SLC28A3: variants seen among roughly 807,000 people sequenced by gnomAD.
The protein encoded by SLC28A3 is concentrative Na(+)-nucleoside cotransporter 3.
In SLC28A3, 68 loss-of-function variants were observed where a neutral mutation model predicts 84.2. The ratio of observed to expected loss-of-function variants is 0.81; its 90% CI spans 0.66 to 0.99. SLC28A3 has a LOEUF of 0.99. Ranked by LOEUF, SLC28A3 falls within the 50% of genes least tolerant of loss-of-function variation. The pLI, the probability that SLC28A3 is intolerant of heterozygous loss-of-function variation, is 0.00. For synonymous variants in SLC28A3, 267 were observed against 303.6 expected, an observed-to-expected ratio of 0.88 and a Z score of 1.25; for missense variants, 712 against 841.5, an observed-to-expected ratio of 0.85 and a Z score of 1.90.
At chr9:84,308,911 T>C (rs1825888778) in intron 3 of SLC28A3, among the ~76,000 whole-genome samples, 1 of 152,248 alleles carries the variant, frequency 6.6e-6, no homozygotes, top group African/African-American at 2.4e-5. Context: ...TTGAGGCTAT[T>C]ACAAGGTAAG....
intron 8 of SLC28A3, among the ~76,000 whole-genome samples, 182 bp downstream of exon 8, chr9:84,297,039 C>T (rs182262561): frequency 9.2e-5 from 14 of 152,276 alleles, no homozygotes; most frequent in Admixed American, 7.2e-4. Context: ...AGGTAAAATG[C>T]GTGCAGTCCA....
rs1227400352 is a variant in SLC28A3 at position 84,292,699 on chromosome 9, A to G, written c.992T>C (p.Val331Ala). The G allele has an allele frequency of 4.3e-6, 7 of 1,610,030 alleles. No individual in the cohort carries two copies. In the African/African-American group the frequency reaches 8.0e-5, roughly 18 times the overall value. Residue 331 changes from valine to alanine, a missense_variant, in exon 10 of 18, where the codon GTA becomes GCA. Val to Ala is a moderately conservative substitution (Grantham distance 64). Coordinates refer to ENST00000376238, the MANE Select transcript of SLC28A3 (RefSeq NM_001199633.2). ...AACAAATATATTGCCAGAAGCAACT[A>G]CAGATTCAATAGGAGATGATCCCGT... ...VTTGSSPIES[V>A]VASGNIFVGQ...
chr9:84,300,177 A>AT (rs1007885542), intron 5 of SLC28A3, among the ~76,000 whole-genome samples: 1 of 152,206 alleles, frequency 6.6e-6, no homozygotes, highest in African/African-American at 2.4e-5. Context: ...ACTGCAACAG[A>AT]TTTTTTTGAT....
chr9:84,334,698 C>T lies in SLC28A3; in HGVS notation c.60+5876G>A, dbSNP rs1005321647. Reference sequence around the variant, plus strand: ...GCCTGCCCTAGGTCTTCCCCTTCCCCGCCCCTCCCTAGCACCACCACTGCA... The same window carrying T: ...GCCTGCCCTAGGTCTTCCCCTTCCCTGCCCCTCCCTAGCACCACCACTGCA... On this transcript the variant is annotated intron_variant, in intron 1 of 17. Transcript: ENST00000376238. Among the ~76,000 whole-genome samples, 138 of 151,944 alleles carry T rather than the reference C, an allele frequency of 9.1e-4. 1 individual carries two copies. Among genetic ancestry groups the T allele is most frequent in the Admixed American group, 3.9e-4 (6 of 15,228 alleles).
At chr9:84,311,820 C>T (rs1442773730) in intron 2 of SLC28A3, among the ~76,000 whole-genome samples, 2 of 152,234 alleles carry the variant, frequency 1.3e-5, no homozygotes, top group African/African-American at 2.4e-5. Context: ...TGTGCCACTG[C>T]ACTCCAGCCT....
chr9:84,306,918 G>A (rs916257069), intron 3 of SLC28A3, among the ~76,000 whole-genome samples: 1 of 142,542 alleles, frequency 7.0e-6, no homozygotes, highest in African/African-American at 2.6e-5. Flanking sequence ...AGCACTTTGA[G>A]AGGCCAAAGT....
intron 4 of SLC28A3, among the ~76,000 whole-genome samples, chr9:84,303,340 T>C (rs1230435588): frequency 3.3e-5 from 5 of 152,124 alleles, no homozygotes; most frequent in African/African-American, 4.8e-5. Flanking sequence ...GTTTGTTTGA[T>C]ATGGAGTTTT....
the SLC28A3 span, among the ~76,000 whole-genome samples, chr9:84,353,544 T>C: frequency 6.6e-6 from 1 of 152,154 alleles, no homozygotes; most frequent in East Asian, 1.9e-4. Context: ...ACCCCATCTC[T>C]ACTAAAAATA....
the SLC28A3 span, among the ~76,000 whole-genome samples, chr9:84,361,611 G>T: frequency 6.6e-6 from 1 of 152,024 alleles, no homozygotes; most frequent in African/African-American, 2.4e-5. Flanking sequence ...AGAGTGTTTT[G>T]TCCCCTGTGA....
intron 2 of SLC28A3, among the ~76,000 whole-genome samples, chr9:84,310,795 G>C (rs934705288): frequency 1.1e-4 from 16 of 152,138 alleles, no homozygotes; most frequent in African/African-American, 3.9e-4. Context: ...CTGAGGAAGG[G>C]CTGGAGTTGA....
intron 14 of SLC28A3, among the ~76,000 whole-genome samples, chr9:84,282,470 A>G (rs1394827595): frequency 6.6e-6 from 1 of 152,262 alleles, no homozygotes; most frequent in African/African-American, 2.4e-5. Flanking sequence ...GAGCTTCCTT[A>G]TAGTCTGGCC....
intron 1 of SLC28A3, among the ~76,000 whole-genome samples, chr9:84,337,436 G>T (rs1827017010): frequency 6.6e-6 from 1 of 151,948 alleles, no homozygotes; most frequent in Non-Finnish European, 1.5e-5. Context: ...GCTAGCCTGT[G>T]TGTGTGCGCG....
At chr9:84,364,499 A>G in the SLC28A3 span, among the ~76,000 whole-genome samples, 2 of 152,168 alleles carry the variant, frequency 1.3e-5, no homozygotes, top group Admixed American at 6.5e-5. Context: ...TTGGGATTAC[A>G]GGTGTGAGGC....
chr9:84,292,858 T>G, intron 9 of SLC28A3, 110 bp from the exon 10 acceptor site: 1 of 676,960 alleles, frequency 1.5e-6, no homozygotes, highest in South Asian at 2.4e-5. Flanking sequence ...GCTTCAACAT[T>G]TGTCAGCAAG....
chr9:84,304,790 G>C (rs1052572472), intron 4 of SLC28A3, among the ~76,000 whole-genome samples: 7 of 152,210 alleles, frequency 4.6e-5, no homozygotes, highest in Admixed American at 6.5e-5. Flanking sequence ...GGGAGGCCAA[G>C]GCGGGCAAAT....
intron 1 of SLC28A3, among the ~76,000 whole-genome samples, chr9:84,316,380 G>C (rs1474180988): frequency 6.6e-6 from 1 of 152,234 alleles, no homozygotes; most frequent in Non-Finnish European, 1.5e-5. Context: ...AAAGTAGAAA[G>C]GGTGCCCTGT....
At chr9:84,358,757 T>G in the SLC28A3 span, among the ~76,000 whole-genome samples, 4 of 152,298 alleles carry the variant, frequency 2.6e-5, no homozygotes, top group South Asian at 8.3e-4. Context: ...TTCGAATGAT[T>G]CAGCAAAATA....
chr9:84,349,251 T>C, the SLC28A3 span, among the ~76,000 whole-genome samples: 1 of 152,236 alleles, frequency 6.6e-6, no homozygotes, highest in Non-Finnish European at 1.5e-5. Flanking sequence ...GGATCTTCAG[T>C]TGCTTCAGGC....
chr9:84,347,844 G>C, the SLC28A3 span, among the ~76,000 whole-genome samples: 1 of 152,320 alleles, frequency 6.6e-6, no homozygotes, highest in South Asian at 2.1e-4. Flanking sequence ...GCTCAAGGCT[G>C]AATAGAATGT....
Sources: gnomAD v4.1 joint callset for allele counts (sites outside exome capture counted in the v4.1 genomes callset) on GRCh38, gnomAD v4.1.1 for gene constraint, MANE v1.5 for transcripts, NCBI Gene and HGNC (gene_info 2026-07-23, HGNC 2026-07-21) for gene names.